ASAP1: variants seen among roughly 807,000 people sequenced by gnomAD.
The protein encoded by ASAP1 is ArfGAP with SH3 domain, ankyrin repeat and PH domain 1.
In ASAP1, 43 loss-of-function variants were observed where a neutral mutation model predicts 145.2. The ratio of observed to expected loss-of-function variants is 0.30; its 90% CI spans 0.23 to 0.38. ASAP1 has a LOEUF of 0.38. Ranked by LOEUF, ASAP1 falls within the 10% of genes least tolerant of loss-of-function variation. The probability of loss-of-function intolerance (pLI) is 1.00; values close to 1 mark genes in which losing one functional copy is unlikely to be tolerated. For synonymous variants in ASAP1, 546 were observed against 515.5 expected (o/e 1.06, Z -0.80); for missense variants, 1,018 against 1,355.3 (o/e 0.75, Z 3.91).
intron 3 of ASAP1, among the ~76,000 whole-genome samples, chr8:130,323,216 G>T (rs746467546): frequency 6.6e-6 from 1 of 151,978 alleles, no homozygotes; most frequent in Non-Finnish European, 1.5e-5. Context: ...GATTCCTAAT[G>T]CTGAGGCAAA....
At chr8:130,162,314 GTTGT>G (rs2097670823) in intron 11 of ASAP1, among the ~76,000 whole-genome samples, 1 of 99,408 alleles carries the variant, frequency 1.0e-5, no homozygotes, top group Non-Finnish European at 2.1e-5. Context: ...TTGTTTTGTT[GTTGT>G]TTTTTTAAGA....
intron 7 of ASAP1, among the ~76,000 whole-genome samples, chr8:130,185,137 C>T (rs1388891739): frequency 6.6e-6 from 1 of 152,168 alleles, no homozygotes; most frequent in African/African-American, 2.4e-5. Context: ...GAGACAAATG[C>T]TTGTTTTCTT....
chr8:130,179,378 G>T, intron 8 of ASAP1, 29 bp from the exon 9 acceptor site: 1 of 1,434,844 alleles, frequency 7.0e-7, no homozygotes, highest in South Asian at 1.2e-5. Flanking sequence ...GTTTTGCGTT[G>T]ATTAATTCCA....
At chr8:130,191,600 G>A (rs1017216424) in intron 5 of ASAP1, among the ~76,000 whole-genome samples, 1 of 152,184 alleles carries the variant, frequency 6.6e-6, no homozygotes, top group African/African-American at 2.4e-5. Flanking sequence ...TTATGTGTTA[G>A]TGGCAGAGGG....
chr8:130,190,279 G>A (rs1815050618), intron 5 of ASAP1, among the ~76,000 whole-genome samples: 1 of 152,162 alleles, frequency 6.6e-6, no homozygotes, highest in Non-Finnish European at 1.5e-5. Flanking sequence ...TAGGTTCACA[G>A]TTTCAGGTCT....
At chr8:130,275,836 G>C (rs1017676752) in intron 3 of ASAP1, among the ~76,000 whole-genome samples, 1 of 152,130 alleles carries the variant, frequency 6.6e-6, no homozygotes, top group African/African-American at 2.4e-5. Context: ...CAATGGAAAA[G>C]GCATGTAAAA....
chr8:130,160,545 G>A (rs888442800), intron 11 of ASAP1, among the ~76,000 whole-genome samples: 71 of 152,106 alleles, frequency 4.7e-4, no homozygotes, highest in African/African-American at 1.5e-3. Flanking sequence ...AGTGAAAAGT[G>A]TTATGATGTC....
intron 25 of ASAP1, among the ~76,000 whole-genome samples, chr8:130,091,268 C>T (rs1415884508): frequency 2.0e-5 from 3 of 152,116 alleles, no homozygotes; most frequent in Non-Finnish European, 2.9e-5. Flanking sequence ...GGCTTACATT[C>T]TGTGATAAGG....
chr8:130,060,131 A>AC (rs2097415477), intron 28 of ASAP1, among the ~76,000 whole-genome samples: 1 of 150,422 alleles, frequency 6.6e-6, no homozygotes, highest in African/African-American at 2.4e-5. Context: ...AATACCCAGA[A>AC]CCCCGAGAGG....
intron 3 of ASAP1, among the ~76,000 whole-genome samples, chr8:130,242,581 A>AT (rs1402310781): frequency 6.6e-6 from 1 of 152,104 alleles, no homozygotes; most frequent in Non-Finnish European, 1.5e-5. Context: ...GGGATGCCTA[A>AT]TTAACACTTG....
chr8:130,239,129 G>A (rs1026303223), intron 3 of ASAP1, among the ~76,000 whole-genome samples: 8 of 152,180 alleles, frequency 5.3e-5, no homozygotes, highest in African/African-American at 1.7e-4. Context: ...ATGCTCCTCC[G>A]CTTAGGATCT....
At chr8:130,338,380 A>G (rs1483157239) in intron 3 of ASAP1, among the ~76,000 whole-genome samples, 1 of 152,228 alleles carries the variant, frequency 6.6e-6, no homozygotes, top group Non-Finnish European at 1.5e-5. Flanking sequence ...AATAAAAATT[A>G]GCTGCTACAA....
At chr8:130,196,657 G>A (rs1565077661) in intron 5 of ASAP1, among the ~76,000 whole-genome samples, 1 of 152,210 alleles carries the variant, frequency 6.6e-6, no homozygotes, top group South Asian at 2.1e-4. Flanking sequence ...TTGTCATCTT[G>A]CATTAATCTT....
intron 2 of ASAP1, chr8:130,360,949 T>C (rs1826682806): frequency 6.6e-6 from 1 of 152,596 alleles, no homozygotes; most frequent in Non-Finnish European, 1.5e-5. Context: ...CCATGCTAGT[T>C]GAGCTAATTA....
intron 3 of ASAP1, among the ~76,000 whole-genome samples, chr8:130,266,544 C>T (rs1298189764): frequency 2.0e-5 from 3 of 152,106 alleles, no homozygotes; most frequent in Non-Finnish European, 4.4e-5. Context: ...AAGGTAATGA[C>T]TCACATCAGG....
intron 1 of ASAP1, among the ~76,000 whole-genome samples, chr8:130,436,518 G>A (rs1034776626): frequency 2.0e-5 from 3 of 152,142 alleles, no homozygotes; most frequent in African/African-American, 2.4e-5. Flanking sequence ...CCATGTTGCC[G>A]AAGCTGGTCT....
chr8:130,123,751 C>A (rs866417364), intron 18 of ASAP1, among the ~76,000 whole-genome samples: 4 of 152,060 alleles, frequency 2.6e-5, no homozygotes, highest in African/African-American at 9.7e-5. Context: ...CTCAGCCTCC[C>A]GAGTAGCTGG....
At chr8:130,442,378 T>C (rs934975191) in intron 1 of ASAP1, among the ~76,000 whole-genome samples, 1 of 152,218 alleles carries the variant, frequency 6.6e-6, no homozygotes, top group Non-Finnish European at 1.5e-5. Context: ...AAAGATCTTT[T>C]TCTTTCCAAA....
intron 4 of ASAP1, among the ~76,000 whole-genome samples, chr8:130,235,924 C>T (rs1023174624): frequency 6.6e-6 from 1 of 152,074 alleles, no homozygotes; most frequent in Admixed American, 6.6e-5. Context: ...ACTCCCATAA[C>T]CTGGCAGACC....
Sources: gnomAD v4.1 joint callset for allele counts (sites outside exome capture counted in the v4.1 genomes callset) on GRCh38, gnomAD v4.1.1 for gene constraint, MANE v1.5 for transcripts, NCBI Gene and HGNC (gene_info 2026-07-23, HGNC 2026-07-21) for gene names.